Variants in SMYD3 observed in about 807,000 individuals in gnomAD.
SMYD3 encodes the protein SET and MYND domain containing 3, also known as histone-lysine N-methyltransferase SMYD3.
SMYD3 carries 36 observed loss-of-function variants against 57.7 expected under a neutral mutation model. The ratio of observed to expected loss-of-function variants is 0.62; its 90% confidence interval spans 0.48 to 0.82. The LOEUF (loss-of-function observed/expected upper bound fraction) is 0.82, where lower values mean the gene tolerates loss of function less well. Among genes scored for constraint, SMYD3 ranks in the 40% least tolerant of loss-of-function variants. The probability of loss-of-function intolerance (pLI) is 0.00; values close to 1 mark genes in which losing one functional copy is unlikely to be tolerated. For missense variants in SMYD3, 515 were observed against 538.8 expected, an observed-to-expected ratio of 0.96 and a Z score of 0.44; for synonymous variants, 211 against 195.0, an observed-to-expected ratio of 1.08 and a Z score of -0.68.
intron 10 of SMYD3, among the ~76,000 whole-genome samples, chr1:245,801,456 G>A (rs970084598): frequency 6.6e-6 from 1 of 152,176 alleles, no homozygotes; most frequent in Admixed American, 6.5e-5. Context: ...AGGCATTCAA[G>A]TCTAAGTCCA....
chr1:245,760,464 A>AG (rs1439530409), intron 11 of SMYD3, among the ~76,000 whole-genome samples: 1 of 152,200 alleles, frequency 6.6e-6, no homozygotes, highest in Non-Finnish European at 1.5e-5. Flanking sequence ...GAGCTTTCCT[A>AG]GGGATGGATA....
At chr1:246,200,327 A>G (rs1013199512) in intron 5 of SMYD3, among the ~76,000 whole-genome samples, 1 of 151,606 alleles carries the variant, frequency 6.6e-6, no homozygotes, top group Non-Finnish European at 1.5e-5. Flanking sequence ...AGAGGAGAAC[A>G]GCGTAGACGC....
chr1:246,393,669 A>C (rs1572455650), intron 1 of SMYD3, among the ~76,000 whole-genome samples: 1 of 75,866 alleles, frequency 1.3e-5, no homozygotes. Context: ...CGTGACCCCC[A>C]TCTCTAAAAA....
chr1:246,471,563 A>C (rs1168346063), intron 1 of SMYD3, among the ~76,000 whole-genome samples: 1 of 152,210 alleles, frequency 6.6e-6, no homozygotes, highest in East Asian at 1.9e-4. Context: ...CAAGGTAACA[A>C]AATAAACTTT....
chr1:246,034,719 C>G (rs1440719887), intron 5 of SMYD3: 1 of 153,676 alleles, frequency 6.5e-6, no homozygotes, highest in East Asian at 1.9e-4. Context: ...TTGGGGGCTG[C>G]TGGCTCCACA....
chr1:246,198,420 A>G (rs1396393168), intron 5 of SMYD3, among the ~76,000 whole-genome samples: 1 of 152,242 alleles, frequency 6.6e-6, no homozygotes, highest in African/African-American at 2.4e-5. Flanking sequence ...CTAATGAAAT[A>G]CTATTTTATT....
At chr1:245,873,739 T>A (rs2052344416) in intron 8 of SMYD3, among the ~76,000 whole-genome samples, 1 of 152,202 alleles carries the variant, frequency 6.6e-6, no homozygotes, top group Non-Finnish European at 1.5e-5. Flanking sequence ...AACCTAGATG[T>A]GGCCACTCCA....
chr1:246,457,055 T>C (rs991430975), intron 1 of SMYD3, among the ~76,000 whole-genome samples: 2 of 152,268 alleles, frequency 1.3e-5, no homozygotes, highest in African/African-American at 4.8e-5. Context: ...GAGCCTTCCA[T>C]CTCTTGAGTA....
chr1:246,160,114 C>T (rs2062091007), intron 5 of SMYD3, among the ~76,000 whole-genome samples: 1 of 152,218 alleles, frequency 6.6e-6, no homozygotes, highest in African/African-American at 2.4e-5. Flanking sequence ...CTGTACTCTG[C>T]TGCTGTCTTC....
chr1:246,082,400 C>T (rs960891241), intron 5 of SMYD3, among the ~76,000 whole-genome samples: 1 of 152,134 alleles, frequency 6.6e-6, no homozygotes, highest in African/African-American at 2.4e-5. Flanking sequence ...ACCAACTCAC[C>T]CCCCTGGACC....
intron 1 of SMYD3, among the ~76,000 whole-genome samples, chr1:246,484,854 A>T: frequency 9.3e-6 from 1 of 107,904 alleles, no homozygotes; most frequent in Non-Finnish European, 2.0e-5. Flanking sequence ...TACCTAAACT[A>T]CTGCACTAGT....
intron 10 of SMYD3, among the ~76,000 whole-genome samples, chr1:245,830,083 T>C (rs2049746178): frequency 6.6e-6 from 1 of 152,210 alleles, no homozygotes; most frequent in Non-Finnish European, 1.5e-5. Context: ...CACTGAGTAG[T>C]ACACTTTAAA....
At chr1:246,476,982 AG>A (rs1214656161) in intron 1 of SMYD3, among the ~76,000 whole-genome samples, 7 of 152,366 alleles carry the variant, frequency 4.6e-5, no homozygotes, top group African/African-American at 1.4e-4. Context: ...GAGGGATTAG[AG>A]AAAGAAATTG....
intron 5 of SMYD3, among the ~76,000 whole-genome samples, chr1:246,237,571 G>A (rs529118285): frequency 5.3e-5 from 8 of 152,038 alleles, no homozygotes; most frequent in South Asian, 4.2e-4. Context: ...CTCCCTCCCC[G>A]TTTCTGGGCT....
At chr1:246,426,523 T>TAAA (rs1486782454) in intron 1 of SMYD3, among the ~76,000 whole-genome samples, 1 of 152,262 alleles carries the variant, frequency 6.6e-6, no homozygotes, top group African/African-American at 2.4e-5. Context: ...TGCGGTCTTT[T>TAAA]ATGTCCGGCT....
At chr1:246,044,520 A>G (rs2059930554) in intron 5 of SMYD3, among the ~76,000 whole-genome samples, 3 of 152,228 alleles carry the variant, frequency 2.0e-5, no homozygotes, top group African/African-American at 7.2e-5. Context: ...GAACTAATTT[A>G]TAGATCAGTC....
At chr1:246,405,680 G>A (rs112759673) in intron 1 of SMYD3, among the ~76,000 whole-genome samples, 22 of 152,170 alleles carry the variant, frequency 1.4e-4, no homozygotes, top group African/African-American at 3.4e-4. Flanking sequence ...AGGCCGAGGC[G>A]GGCGGATCAC....
chr1:246,217,829 T>C (rs1170056206), intron 5 of SMYD3, among the ~76,000 whole-genome samples: 1 of 152,168 alleles, frequency 6.6e-6, no homozygotes, highest in Non-Finnish European at 1.5e-5. Context: ...CTGGTGAAGA[T>C]GGTTCAGTAC....
At chr1:246,234,556 A>C (rs199739103) in intron 5 of SMYD3, among the ~76,000 whole-genome samples, 6 of 89,310 alleles carry the variant, frequency 6.7e-5, no homozygotes, top group African/African-American at 9.3e-5. Flanking sequence ...GCACTCCTTC[A>C]ATTCACACTG....
Sources: allele counts gnomAD v4.1 joint callset (sites outside exome capture counted in the v4.1 genomes callset), GRCh38; gene constraint gnomAD v4.1.1; transcripts MANE v1.5; gene names NCBI Gene and HGNC (gene_info 2026-07-23, HGNC 2026-07-21).